The following XYLT1 variants were observed in gnomAD, a reference collection of about 807,000 sequenced individuals.
The protein encoded by XYLT1 is beta-D-xylosyltransferase 1.
In XYLT1, 36 loss-of-function variants were observed where a neutral mutation model predicts 91.3. The ratio of observed to expected loss-of-function variants is 0.39; its 90% CI spans 0.30 to 0.52. The LOEUF is 0.52. Among genes scored for constraint, XYLT1 ranks in the 20% least tolerant of loss-of-function variants. The probability of loss-of-function intolerance (pLI) is 0.68; values close to 1 mark genes in which losing one functional copy is unlikely to be tolerated. For missense variants in XYLT1, 1,242 were observed against 1,284.5 expected (o/e 0.97, Z 0.51); for synonymous variants, 588 against 532.0 (o/e 1.11, Z -1.45).
chr16:17,319,900 C>T (rs1016302197), intron 2 of XYLT1, among the ~76,000 whole-genome samples: 1 of 152,216 alleles, frequency 6.6e-6, no homozygotes, highest in African/African-American at 2.4e-5. Context: ...TCTCCCATCC[C>T]CTTTTCTCAG....
At chr16:17,323,370 G>A (rs1390987978) in intron 2 of XYLT1, among the ~76,000 whole-genome samples, 2 of 152,088 alleles carry the variant, frequency 1.3e-5, no homozygotes, top group South Asian at 2.1e-4. Flanking sequence ...TCGCGCAGAC[G>A]GCACCATTGG....
chr16:17,157,930 G>A (rs2031450268), intron 6 of XYLT1, among the ~76,000 whole-genome samples: 1 of 152,138 alleles, frequency 6.6e-6, no homozygotes, highest in African/African-American at 2.4e-5. Context: ...TGTATTTTTA[G>A]TAGAGACAGG....
intron 5 of XYLT1, among the ~76,000 whole-genome samples, chr16:17,159,440 C>G (rs946563516): frequency 6.6e-6 from 1 of 152,206 alleles, no homozygotes; most frequent in African/African-American, 2.4e-5. Context: ...TAATACTTCA[C>G]TCTTGTATCA....
At chr16:17,458,399 G>T (rs114626495) in intron 1 of XYLT1, among the ~76,000 whole-genome samples, 2,418 of 152,252 alleles carry the variant, frequency 0.016, 67 homozygotes, top group African/African-American at 0.056. Context: ...GAATCCAAAA[G>T]ACGCACATGA....
chr16:17,302,651 T>C (rs2034413946), intron 2 of XYLT1, among the ~76,000 whole-genome samples: 1 of 152,250 alleles, frequency 6.6e-6, no homozygotes, highest in African/African-American at 2.4e-5. Flanking sequence ...GGTCCTATGG[T>C]TGTGTTTCCT....
intron 10 of XYLT1, among the ~76,000 whole-genome samples, chr16:17,125,666 C>G (rs1420616542): frequency 1.3e-5 from 2 of 152,092 alleles, no homozygotes; most frequent in East Asian, 3.8e-4. Flanking sequence ...AAGGTTGTCC[C>G]CATCAATGTC....
rs2033689347 is a variant in XYLT1, at chr16:17,259,458, G to A, written c.443C>T (p.Thr148Ile). The A allele has an allele frequency of 6.2e-7, 1 of 1,612,446 alleles. No individual in the cohort carries two copies. The highest frequency in any genetic ancestry group is 2.2e-5 in the East Asian group (1 of 44,840). ...GACAGAGTTCTCGTTGTTGCTGTCT[G>A]TTCGCACTTTCTCTTTCGGCCGATG... ...FSHRPKEKVRTDSNNENSVPK... is the reference protein window; with the variant it reads ...FSHRPKEKVRIDSNNENSVPK... Residue 148 changes from threonine to isoleucine, a missense_variant, in exon 3 of 12, where the codon ACA (threonine) becomes ATA (isoleucine). Transcript: ENST00000261381.
rs1182089995 is a variant in XYLT1, at chr16:17,107,397, C to T, written c.*1298G>A. ...TCCTGCGAAGAGCTCTCCTGGTGAACAGGGATGACACTCCAGGGGGCTCGT... is the reference window on the plus strand; with the variant it reads ...TCCTGCGAAGAGCTCTCCTGGTGAATAGGGATGACACTCCAGGGGGCTCGT... On this transcript the variant is annotated 3_prime_UTR_variant, in exon 12 of 12. Transcript: ENST00000261381. The T allele has an allele frequency of 6.6e-6, 1 of 152,272 alleles. No homozygotes were observed. The highest frequency in any genetic ancestry group is 1.9e-4 in the East Asian group (1 of 5,182). The allele number at this position is 152,272 out of a possible 1,614,324, so 9.4% of individuals were successfully genotyped here.
At chr16:17,318,555 T>C (rs1010582363) in intron 2 of XYLT1, among the ~76,000 whole-genome samples, 3 of 152,232 alleles carry the variant, frequency 2.0e-5, no homozygotes, top group Non-Finnish European at 4.4e-5. Context: ...AAAGATGATG[T>C]TTGTGCTTTA....
At chr16:17,225,506 A>G (rs564954309) in intron 3 of XYLT1, among the ~76,000 whole-genome samples, 1 of 152,126 alleles carries the variant, frequency 6.6e-6, no homozygotes, top group Non-Finnish European at 1.5e-5. Flanking sequence ...CAAACCCAGA[A>G]AGTTTTCTGC....
intron 2 of XYLT1, among the ~76,000 whole-genome samples, chr16:17,351,863 G>A (rs1474195037): frequency 6.6e-6 from 1 of 152,024 alleles, no homozygotes; most frequent in East Asian, 1.9e-4. Context: ...CAAATGTTGG[G>A]CCAGGTACAG....
rs569248029 is a variant in XYLT1, at chr16:17,231,881, T to G, written c.913+27107A>C. ...AGTAAGTCGTGGGTGAATATGAAGG[T>G]GTAGGACATTACTGTACATTACTGT... On this transcript the variant is annotated intron_variant, in intron 3 of 11. Coordinates refer to ENST00000261381, the MANE Select transcript of XYLT1 (RefSeq NM_022166.4). Among the ~76,000 whole-genome samples the G allele has an allele frequency of 1.8e-4, 28 of 151,980 alleles. No homozygotes were observed. The South Asian group carries it at 5.6e-3, about 30-fold the overall frequency.
chr16:17,327,964 G>A (rs1430775128), intron 2 of XYLT1, among the ~76,000 whole-genome samples: 2 of 152,228 alleles, frequency 1.3e-5, no homozygotes, highest in Non-Finnish European at 2.9e-5. Context: ...AGGACTTGAT[G>A]TTGCCTTGAC....
At chr16:17,195,204 C>T (rs992554679) in intron 5 of XYLT1, among the ~76,000 whole-genome samples, 1 of 152,184 alleles carries the variant, frequency 6.6e-6, no homozygotes, top group African/African-American at 2.4e-5. Flanking sequence ...TGATGCTACG[C>T]ATCCTGCAAT....
Position 17,380,244 on chromosome 16 carries a change from T to C in XYLT1, c.364-22194A>G, listed in dbSNP as rs141536325. 5.0e-3 allele frequency among the ~76,000 whole-genome samples: 763 copies of C among 152,262 alleles called. 6 individuals are homozygous for C. The highest frequency in any genetic ancestry group is 0.017 in the African/African-American group (723 of 41,560). On this transcript the variant is annotated intron_variant, in intron 1 of 11. Transcript: ENST00000261381. Reference sequence around the variant, plus strand: ...CGGAGGTTGCAGTGAGCTGAGATCATGCCACTGAACTCCAGCCTGGGCGAC... The same window carrying C: ...CGGAGGTTGCAGTGAGCTGAGATCACGCCACTGAACTCCAGCCTGGGCGAC...
At chr16:17,439,154 T>C (rs761589686) in intron 1 of XYLT1, among the ~76,000 whole-genome samples, 6 of 152,190 alleles carry the variant, frequency 3.9e-5, no homozygotes, top group Non-Finnish European at 7.3e-5. Flanking sequence ...GAAGCAATGA[T>C]TTAGATCAAG....
rs565233685 is a variant in XYLT1 at position 17,102,862 on chromosome 16, CAT to C, written c.*5831_*5832del. The C allele has an allele frequency of 5.9e-5, 9 of 152,428 alleles. No homozygotes were observed. Among genetic ancestry groups the C allele is most frequent in the Non-Finnish European group, 8.8e-5 (6 of 68,014 alleles). 9.4% of individuals were successfully genotyped at this position (152,428 alleles called of 1,614,324 possible). A position where few individuals can be genotyped will look rare whatever the true frequency, so the allele number is the denominator to read the frequency against. On this transcript the variant is annotated 3_prime_UTR_variant, in exon 12 of 12. Transcript: ENST00000261381. ...GTTATTTTTAAAAACTATATCACCA[CAT>C]GTCTTTGAAAACAATGAAGGGGACG...
At chr16:17,423,996 C>G (rs550500882) in intron 1 of XYLT1, among the ~76,000 whole-genome samples, 1 of 152,086 alleles carries the variant, frequency 6.6e-6, no homozygotes, top group South Asian at 2.1e-4. Flanking sequence ...CCTATAGGAC[C>G]GTGGCCAAAG....
Position 17,108,700 on chromosome 16 carries a change from T to A in XYLT1, c.2875A>T (p.Arg959Trp), listed in dbSNP as rs1230402366. The A allele has an allele frequency of 6.4e-7, 1 of 1,572,798 alleles. No homozygotes were observed. Among genetic ancestry groups the A allele is most frequent in the Non-Finnish European group, 8.6e-7 (1 of 1,160,668 alleles). ...LGAVKPDGRLR is the reference protein window; with the variant it reads ...LGAVKPDGRLW Reference sequence around the variant, plus strand: ...CCCACTCCTCGTGCCCAGTGCTACCTGAGCCGGCCATCAGGTTTGACTGCC... The same window carrying A: ...CCCACTCCTCGTGCCCAGTGCTACCAGAGCCGGCCATCAGGTTTGACTGCC... The change falls in exon 12 of 12, where the codon AGG (arginine) becomes TGG (tryptophan). Residue 959 changes from arginine to tryptophan, a missense_variant. Physicochemically the swap from Arg to Trp is moderately radical, Grantham distance 101. This residue lies in a region of XYLT1 where 511 missense variants were observed against 497.0 expected (regional missense o/e 1.03). Coordinates refer to ENST00000261381, the MANE Select transcript of XYLT1 (RefSeq NM_022166.4).
Sources: gnomAD v4.1 joint callset for allele counts (sites outside exome capture counted in the v4.1 genomes callset) on GRCh38, gnomAD v4.1.1 for gene constraint, gnomAD v4.1.1 regional missense constraint, MANE v1.5 for transcripts, NCBI Gene and HGNC (gene_info 2026-07-23, HGNC 2026-07-21) for gene names.